The following MTHFD2L variants were observed in gnomAD, a reference collection of about 807,000 sequenced individuals.
MTHFD2L encodes the protein methylenetetrahydrofolate dehydrogenase (NADP+ dependent) 2 like.
MTHFD2L carries 29 observed loss-of-function variants against 34.9 expected under a neutral mutation model. The observed-to-expected ratio is 0.83, with a 90% CI of 0.62 to 1.13. MTHFD2L has a LOEUF of 1.13. MTHFD2L is among the 50% of genes most tolerant of loss of function. The pLI, the probability that MTHFD2L is intolerant of heterozygous loss-of-function variation, is 0.00. For missense variants in MTHFD2L, 481 were observed against 446.5 expected (o/e 1.08, Z -0.70); for synonymous variants, 167 against 155.7 (o/e 1.07, Z -0.54).
rs766667998 is a variant in MTHFD2L, at chr4:74,175,291, T to C, written c.339T>C (p.Ser113=). Residue 113 remains serine, a synonymous_variant, in exon 3 of 8, where the codon AGT becomes AGC. Transcript: ENST00000325278. ...CTGTTTTTCTTCTAGGTATTTGTAGTGAGCTCATTCTAAAACCTAAGGATG... is the reference window on the plus strand; with the variant it reads ...CTGTTTTTCTTCTAGGTATTTGTAGCGAGCTCATTCTAAAACCTAAGGATG... ...IRAASAVGIC[S]ELILKPKDVS... 6.2e-7 allele frequency: 1 copy of C among 1,612,516 alleles called. No individual in the cohort carries two copies. The highest frequency in any genetic ancestry group is 8.5e-7 in the Non-Finnish European group (1 of 1,179,136).
At chr4:74,145,164 G>GA (rs1261141228) in intron 1 of MTHFD2L, among the ~76,000 whole-genome samples, 164 of 137,336 alleles carry the variant, frequency 1.2e-3, no homozygotes, top group Middle Eastern at 3.8e-3. Flanking sequence ...TTCCATATTT[G>GA]AAAAAAAAAA....
intron 6 of MTHFD2L, among the ~76,000 whole-genome samples, chr4:74,231,489 A>G (rs761877921): frequency 1.3e-5 from 2 of 152,086 alleles, no homozygotes; most frequent in Admixed American, 6.5e-5. Flanking sequence ...CTTCACTCAT[A>G]CTATAGTCCT....
chr4:74,115,457 C>T (rs1285926866), intron 2 of MTHFD2L, among the ~76,000 whole-genome samples: 3 of 152,198 alleles, frequency 2.0e-5, no homozygotes, highest in African/African-American at 4.8e-5. Flanking sequence ...ATTCAACTCC[C>T]TTTTTGTTTT....
intron 1 of MTHFD2L, among the ~76,000 whole-genome samples, chr4:74,172,711 C>G (rs1728262638): frequency 6.6e-6 from 1 of 152,180 alleles, no homozygotes; most frequent in African/African-American, 2.4e-5. Flanking sequence ...GTCTGGGAAT[C>G]TGCAATTTCA....
intron 6 of MTHFD2L, among the ~76,000 whole-genome samples, chr4:74,261,011 G>GAA (rs565163486): frequency 0.02 from 2,821 of 138,272 alleles, 60 homozygotes; most frequent in South Asian, 0.069. Context: ...AAAATAAATA[G>GAA]AAAAAAATAT....
At chr4:74,126,610 A>G (rs2109789862) in intron 1 of MTHFD2L, among the ~76,000 whole-genome samples, 1 of 152,134 alleles carries the variant, frequency 6.6e-6, no homozygotes, top group South Asian at 2.1e-4. Flanking sequence ...GTGCAACTTT[A>G]AAGTTTATTA....
intron 6 of MTHFD2L, among the ~76,000 whole-genome samples, chr4:74,278,741 C>T (rs1747025576): frequency 6.6e-6 from 1 of 151,998 alleles, no homozygotes; most frequent in South Asian, 2.1e-4. Context: ...AGATAAGAAG[C>T]ACACAAGACC....
chr4:74,120,329 G>T (rs2109772300), upstream of MTHFD2L, among the ~76,000 whole-genome samples: 1 of 152,268 alleles, frequency 6.6e-6, no homozygotes, highest in Non-Finnish European at 1.5e-5. Context: ...TACCAATGTT[G>T]GTAAGGCAAC....
chr4:74,247,565 A>G (rs1742660428), intron 6 of MTHFD2L, among the ~76,000 whole-genome samples: 1 of 152,286 alleles, frequency 6.6e-6, no homozygotes. Flanking sequence ...GCCAGTTTTC[A>G]AAGGGAATGC....
chr4:74,224,918 C>T (rs1218849682), intron 5 of MTHFD2L, among the ~76,000 whole-genome samples: 2 of 152,044 alleles, frequency 1.3e-5, no homozygotes, highest in African/African-American at 4.8e-5. Flanking sequence ...ATATATTGTC[C>T]CATTTTTTGT....
chr4:74,245,159 C>A (rs190761995), intron 6 of MTHFD2L, among the ~76,000 whole-genome samples: 1,554 of 125,720 alleles, frequency 0.012, 11 homozygotes, highest in Middle Eastern at 0.022. Context: ...CGCGCCACTG[C>A]ACTTTAGCCC....
chr4:74,128,815 G>T (rs1360089498), intron 1 of MTHFD2L, among the ~76,000 whole-genome samples: 1 of 152,000 alleles, frequency 6.6e-6, no homozygotes, highest in Non-Finnish European at 1.5e-5. Context: ...CATTCTTGAA[G>T]GCAGCATGTA....
intron 5 of MTHFD2L, among the ~76,000 whole-genome samples, chr4:74,204,197 G>T (rs1362235171): frequency 2.0e-5 from 3 of 152,084 alleles, no homozygotes; most frequent in Admixed American, 2.0e-4. Context: ...GTGATCTCGG[G>T]CAAGTCATTT....
chr4:74,151,698 TA>T (rs1470523344), intron 1 of MTHFD2L, among the ~76,000 whole-genome samples: 1 of 152,188 alleles, frequency 6.6e-6, no homozygotes, highest in East Asian at 1.9e-4. Context: ...CCCATTTGAC[TA>T]AAAAACTGAG....
chr4:74,238,410 C>A (rs559646529), intron 6 of MTHFD2L, among the ~76,000 whole-genome samples: 10 of 152,226 alleles, frequency 6.6e-5, no homozygotes, highest in African/African-American at 1.9e-4. Flanking sequence ...AAAACCTAGG[C>A]AATACCATTC....
At chr4:74,230,018 T>G (rs1395491313) in intron 6 of MTHFD2L, among the ~76,000 whole-genome samples, 1 of 152,156 alleles carries the variant, frequency 6.6e-6, no homozygotes, top group African/African-American at 2.4e-5. Context: ...CCAGTAAATG[T>G]GAGCTGTGTT....
chr4:74,193,976 T>C (rs2110031752), intron 3 of MTHFD2L: 1 of 152,290 alleles, frequency 6.6e-6, no homozygotes, highest in East Asian at 1.9e-4. Context: ...GTGGACCTTA[T>C]TCAGATCTTG....
upstream of MTHFD2L, chr4:74,123,272 CACA>C (rs1269894977): frequency 1.3e-5 from 2 of 152,144 alleles, no homozygotes; most frequent in Admixed American, 6.6e-5. Context: ...CTCCAGCCAG[CACA>C]ACAAGTCCCC....
chr4:74,271,551 C>T (rs1020124469), intron 6 of MTHFD2L, among the ~76,000 whole-genome samples: 1 of 152,172 alleles, frequency 6.6e-6, no homozygotes, highest in Non-Finnish European at 1.5e-5. Context: ...GGTACCAGTA[C>T]CATGCTGTTT....
Sources: allele counts gnomAD v4.1 joint callset (sites outside exome capture counted in the v4.1 genomes callset), GRCh38; gene constraint gnomAD v4.1.1; transcripts MANE v1.5; gene names NCBI Gene and HGNC (gene_info 2026-07-23, HGNC 2026-07-21).